Variants in SHISA9 observed in about 807,000 individuals in gnomAD.
The protein encoded by SHISA9 is protein shisa-9.
SHISA9 carries 13 observed loss-of-function variants against 38.0 expected under a neutral mutation model. That is an observed-to-expected ratio of 0.34 (90% CI 0.22 to 0.54). The LOEUF is 0.54. Among genes scored for constraint, SHISA9 ranks in the 20% least tolerant of loss-of-function variants. SHISA9 has a pLI of 0.91. For synonymous variants in SHISA9, 275 were observed against 242.0 expected, an observed-to-expected ratio of 1.14 and a Z score of -1.27; for missense variants, 538 against 575.8, an observed-to-expected ratio of 0.93 and a Z score of 0.67.
At chr16:13,400,383 C>T in the SHISA9 span, among the ~76,000 whole-genome samples, 1 of 148,114 alleles carries the variant, frequency 6.8e-6, no homozygotes, top group Non-Finnish European at 1.5e-5. Flanking sequence ...CACACACACA[C>T]ATATTTCCTA....
intron 2 of SHISA9, among the ~76,000 whole-genome samples, chr16:13,058,237 C>T (rs994452381): frequency 2.6e-5 from 4 of 152,114 alleles, no homozygotes; most frequent in African/African-American, 4.8e-5. Context: ...CATACAATAC[C>T]TGAGAGCTTG....
At chr16:13,161,694 G>C (rs535946874) in intron 2 of SHISA9, among the ~76,000 whole-genome samples, 3 of 152,106 alleles carry the variant, frequency 2.0e-5, no homozygotes, top group East Asian at 3.9e-4. Context: ...AGATCTTCCA[G>C]CCTCTTTTAT....
At chr16:13,056,425 A>G (rs750984926) in intron 2 of SHISA9, among the ~76,000 whole-genome samples, 10 of 152,220 alleles carry the variant, frequency 6.6e-5, no homozygotes, top group Non-Finnish European at 1.0e-4. Flanking sequence ...TGGGTCAATG[A>G]GATCTGTGTT....
chr16:13,141,267 A>T (rs910527999), intron 2 of SHISA9, among the ~76,000 whole-genome samples: 2 of 152,200 alleles, frequency 1.3e-5, no homozygotes, highest in Non-Finnish European at 1.5e-5. Context: ...AGATTTAAAC[A>T]AGAGACTTAA....
chr16:13,358,102 G>C, the SHISA9 span, among the ~76,000 whole-genome samples: 1 of 152,150 alleles, frequency 6.6e-6, no homozygotes, highest in Non-Finnish European at 1.5e-5. Flanking sequence ...TGAAAAGAGA[G>C]AATCTTCCTT....
chr16:13,294,996 G>GTAT, the SHISA9 span, among the ~76,000 whole-genome samples: 35 of 151,952 alleles, frequency 2.3e-4, no homozygotes, highest in African/African-American at 6.0e-4. Context: ...TTTGTGGTAG[G>GTAT]TATTATTATT....
chr16:13,296,821 G>C, the SHISA9 span, among the ~76,000 whole-genome samples: 1 of 148,346 alleles, frequency 6.7e-6, no homozygotes, highest in Non-Finnish European at 1.5e-5. Context: ...AACCTGGGAG[G>C]TGGAGGTTGC....
rs547476457 is a variant in SHISA9, at chr16:12,949,266, G to A, written c.691+32451G>A. ...AGGAAGCAAGTGAGTCAAGAACGAG[G>A]TCTCCACTGGAGCCCAGCCACAGCC... On this transcript the variant is annotated intron_variant, in intron 2 of 4. Transcript: ENST00000558583. Among the ~76,000 whole-genome samples the A allele has an allele frequency of 6.6e-5, 10 of 152,332 alleles. No homozygotes were observed. The East Asian group carries it at 1.7e-3, about 26-fold the overall frequency.
rs923487458 is a variant in SHISA9 at position 13,237,245 on chromosome 16, C to T, written c.*1836C>T. On this transcript the variant is annotated 3_prime_UTR_variant, in exon 5 of 5. Coordinates refer to ENST00000558583, the MANE Select transcript of SHISA9 (RefSeq NM_001145204.3). Reference sequence around the variant, plus strand: ...ACCAGATATTTATTCTCCTCACTCCCAGCAGATACGAGGACACCAACAATG... The same window carrying T: ...ACCAGATATTTATTCTCCTCACTCCTAGCAGATACGAGGACACCAACAATG... 1 of 152,220 alleles carries T rather than the reference C, an allele frequency of 6.6e-6. No homozygotes were observed. The highest frequency in any genetic ancestry group is 2.4e-5 in the African/African-American group (1 of 41,428). The allele number at this position is 152,220 out of a possible 1,614,324, so 9.4% of individuals were successfully genotyped here.
the SHISA9 span, among the ~76,000 whole-genome samples, chr16:13,556,963 A>G: frequency 5.9e-5 from 9 of 152,188 alleles, no homozygotes; most frequent in African/African-American, 2.2e-4. Context: ...ACATTTGTGG[A>G]TTTTGATATA....
chr16:13,365,043 G>C, the SHISA9 span, among the ~76,000 whole-genome samples: 1 of 152,200 alleles, frequency 6.6e-6, no homozygotes. Flanking sequence ...GATGATGGTG[G>C]TGATGATGAT....
the SHISA9 span, among the ~76,000 whole-genome samples, chr16:13,492,752 A>G: frequency 6.6e-6 from 1 of 152,236 alleles, no homozygotes; most frequent in African/African-American, 2.4e-5. Flanking sequence ...TGTTTCCAAT[A>G]TTTGATCATT....
intron 2 of SHISA9, chr16:13,203,137 C>G: frequency 2.9e-6 from 1 of 339,418 alleles, no homozygotes; most frequent in African/African-American, 2.1e-5. Flanking sequence ...CTGAAAGGAC[C>G]TTAACATGTT....
the SHISA9 span, among the ~76,000 whole-genome samples, chr16:13,487,178 T>C: frequency 8.5e-5 from 13 of 152,232 alleles, no homozygotes; most frequent in Non-Finnish European, 1.6e-4. Flanking sequence ...CCCTGGCAGA[T>C]ACCAAAATCT....
chr16:13,279,379 A>T, the SHISA9 span, among the ~76,000 whole-genome samples: 1 of 151,900 alleles, frequency 6.6e-6, no homozygotes, highest in African/African-American at 2.4e-5. Flanking sequence ...TTGATGGAGG[A>T]AATGTTCTGT....
At chr16:13,205,664 C>G (rs536406815) in intron 3 of SHISA9, among the ~76,000 whole-genome samples, 4 of 152,210 alleles carry the variant, frequency 2.6e-5, no homozygotes, top group Non-Finnish European at 4.4e-5. Context: ...CACCTCCCTT[C>G]TCCAGAGCTC....
the SHISA9 span, among the ~76,000 whole-genome samples, chr16:13,273,186 T>C: frequency 6.6e-6 from 1 of 152,058 alleles, no homozygotes; most frequent in East Asian, 1.9e-4. Flanking sequence ...AACTGTGCAT[T>C]CCCCTTACAC....
chr16:13,043,650 C>T (rs1567193194), intron 2 of SHISA9, among the ~76,000 whole-genome samples: 1 of 152,220 alleles, frequency 6.6e-6, no homozygotes, highest in Non-Finnish European at 1.5e-5. Flanking sequence ...ACTCACTGTC[C>T]TGATATCCTC....
In SHISA9 at chr16:13,175,968, C is replaced by G. The variant is rs183515473; in HGVS notation, c.692-27426C>G. Among the ~76,000 whole-genome samples the G allele has an allele frequency of 2.0e-5, 3 of 152,244 alleles. No homozygotes were observed. In the East Asian group the frequency reaches 5.8e-4, roughly 29 times the overall value. On this transcript the variant is annotated intron_variant, in intron 2 of 4. Transcript: ENST00000558583. ...ACCGAGGTATGTTCTCACTCTCCCT[C>G]TGTCTCTTGCCAAATCAAATCTCTA...
Sources: gnomAD v4.1 joint callset for allele counts (sites outside exome capture counted in the v4.1 genomes callset) on GRCh38, gnomAD v4.1.1 for gene constraint, MANE v1.5 for transcripts, NCBI Gene and HGNC (gene_info 2026-07-23, HGNC 2026-07-21) for gene names.